TBC1D7: variants seen among roughly 807,000 people sequenced by gnomAD.
TBC1D7 encodes TBC domain family 7.
In TBC1D7, 33 loss-of-function variants were observed where a neutral mutation model predicts 35.3. That is an observed-to-expected ratio of 0.93 (90% CI 0.71 to 1.25). The LOEUF is 1.25. Ranked by LOEUF, TBC1D7 falls within the 50% of genes most tolerant of loss-of-function variation. The probability of loss-of-function intolerance (pLI) is 0.00; values close to 1 mark genes in which losing one functional copy is unlikely to be tolerated. For synonymous variants in TBC1D7, 135 were observed against 129.5 expected, an observed-to-expected ratio of 1.04 and a Z score of -0.29; for missense variants, 362 against 365.3, an observed-to-expected ratio of 0.99 and a Z score of 0.07.
At chr6:13,311,190 A>G (rs1783185690) in intron 5 of TBC1D7, among the ~76,000 whole-genome samples, 2 of 152,230 alleles carry the variant, frequency 1.3e-5, no homozygotes, top group Admixed American at 6.5e-5. Flanking sequence ...TGTCAATAGC[A>G]ATAAAACAAA....
At chr6:13,321,448 T>C (rs1456768205) in intron 3 of TBC1D7, among the ~76,000 whole-genome samples, 2 of 152,212 alleles carry the variant, frequency 1.3e-5, no homozygotes, top group African/African-American at 4.8e-5. Flanking sequence ...CTTTAGCTCC[T>C]AGAGGTCTCA....
chr6:13,326,709 T>C (rs1784428689), intron 2 of TBC1D7, 78 bp downstream of exon 2: 1 of 837,442 alleles, frequency 1.2e-6, no homozygotes, highest in African/African-American at 1.7e-5. Context: ...TGCTTCTGGA[T>C]GTCTTTTAAG....
Position 13,326,462 on chromosome 6 carries a change from C to CA in TBC1D7, c.112+324dup, listed in dbSNP as rs201457396. ...TGGGCAACAGAGTCAGACTTGGTCT[C>CA]AAAAAAAAAAAAAAAGAAAATCATG... On this transcript the variant is annotated intron_variant, in intron 2 of 7. Coordinates refer to ENST00000379300, the MANE Select transcript of TBC1D7 (RefSeq NM_016495.6). 0.09 allele frequency among the ~76,000 whole-genome samples: 8,196 copies of CA among 91,112 alleles called. 433 individuals carry two copies. The highest frequency in any genetic ancestry group is 0.27 in the East Asian group (971 of 3,650). 59.8% of individuals were successfully genotyped at this position (91,112 alleles called of 152,430 possible).
intron 2 of TBC1D7, 26 bp downstream of exon 2, chr6:13,326,761 T>G (rs1784431656): frequency 2.4e-4 from 349 of 1,424,740 alleles, no homozygotes; most frequent in Middle Eastern, 5.3e-4. Flanking sequence ...TGAGAACCAA[T>G]GAGATTAATT....
At chr6:13,308,022 T>C (rs1202474394) in intron 5 of TBC1D7, among the ~76,000 whole-genome samples, 1 of 152,194 alleles carries the variant, frequency 6.6e-6, no homozygotes, top group Non-Finnish European at 1.5e-5. Context: ...TTGGTCACCC[T>C]AATACTAACT....
rs1782907924 is a variant in TBC1D7, at chr6:13,307,734, A to T, written c.531T>A (p.Phe177Leu). 6.2e-7 allele frequency: 1 copy of T among 1,613,810 alleles called. No homozygotes were observed. The highest frequency in any genetic ancestry group is 8.5e-7 in the Non-Finnish European group (1 of 1,179,780). The change falls in exon 6 of 8, where the codon TTT becomes TTA. Residue 177 changes from phenylalanine (F) to leucine (L), a missense_variant. Coordinates refer to ENST00000379300, the MANE Select transcript of TBC1D7 (RefSeq NM_016495.6). ...CATCTTCCAGATTCAAGTATTGTTCAAACGCTTTTGGCTAAAGATTAAGCA... is the reference window on the plus strand; with the variant it reads ...CATCTTCCAGATTCAAGTATTGTTCTAACGCTTTTGGCTAAAGATTAAGCA... ...RDSLPQLPKA[F>L]EQYLNLEDGR...
rs3800485 is a variant in TBC1D7 at position 13,306,122 on chromosome 6, C to T, written c.795+276G>A. 0.12 allele frequency: 31,495 copies of T among 252,274 alleles called. 2,271 individuals are homozygous for T. The highest frequency in any genetic ancestry group is 0.33 in the East Asian group (2,401 of 7,276). The allele number at this position is 252,274 out of a possible 1,614,324, so 15.6% of individuals were successfully genotyped here. On this transcript the variant is annotated intron_variant, in intron 7 of 7. Transcript: ENST00000379300. ...AAGTGTTTCTTATAATGTAAAAATA[C>T]ACTGTATGATTTCTCTGAAATAATC...
chr6:13,306,280 G>A, intron 7 of TBC1D7, 118 bp downstream of exon 7: 2 of 778,798 alleles, frequency 2.6e-6, no homozygotes, highest in Non-Finnish European at 2.0e-6. Flanking sequence ...ACATTCTAAG[G>A]TATTATTTCT....
chr6:13,307,130 A>G (rs954563399), intron 6 of TBC1D7: 4 of 165,714 alleles, frequency 2.4e-5, no homozygotes, highest in African/African-American at 7.2e-5. Flanking sequence ...GTTCAGTGCC[A>G]TAACTTATTT....
chr6:13,327,000 A>G (rs529311849), intron 1 of TBC1D7, 94 bp from the exon 2 acceptor site: 5 of 693,310 alleles, frequency 7.2e-6, no homozygotes, highest in East Asian at 2.7e-5. Context: ...ATAATTTTCA[A>G]TGATGTTCTC....
At chr6:13,327,206 T>C (rs974283776) in intron 1 of TBC1D7, among the ~76,000 whole-genome samples, 10 of 152,106 alleles carry the variant, frequency 6.6e-5, no homozygotes, top group Non-Finnish European at 1.5e-4. Context: ...CCTAGCACAA[T>C]AGAACATTCT....
chr6:13,316,756 A>T lies in TBC1D7; in HGVS notation c.382-48T>A, dbSNP rs770472742. 1.9e-6 allele frequency: 3 copies of T among 1,592,496 alleles called. No homozygotes were observed. In the East Asian group the frequency reaches 6.7e-5, roughly 36 times the overall value. ...CAAGAGGAAGGCAGTGAAAGAGAGG[A>T]ATACATATTTCTTTAATAAAAAATG... On this transcript the variant is annotated intron_variant, in intron 4 of 7. Transcript: ENST00000379300.
intron 5 of TBC1D7, among the ~76,000 whole-genome samples, chr6:13,313,708 C>G (rs938266850): frequency 6.6e-6 from 1 of 152,126 alleles, no homozygotes; most frequent in South Asian, 2.1e-4. Context: ...CAACCCTTAA[C>G]TACACTTCAG....
intron 4 of TBC1D7, chr6:13,319,654 T>C (rs1022615596): frequency 5.3e-5 from 8 of 152,174 alleles, no homozygotes; most frequent in African/African-American, 1.9e-4. Context: ...ATCATTACAT[T>C]ACGGTTGTAT....
At chr6:13,313,867 T>C (rs897652281) in intron 5 of TBC1D7, among the ~76,000 whole-genome samples, 8 of 152,120 alleles carry the variant, frequency 5.3e-5, no homozygotes, top group Non-Finnish European at 8.8e-5. Flanking sequence ...AACTAGTGAT[T>C]TGTCTAAACT....
intron 5 of TBC1D7, among the ~76,000 whole-genome samples, chr6:13,313,687 T>G (rs752659379): frequency 2.0e-5 from 3 of 152,166 alleles, no homozygotes; most frequent in African/African-American, 7.2e-5. Flanking sequence ...TGGTTCTAAA[T>G]GAGTGCCTTT....
In TBC1D7 at chr6:13,320,951, T is replaced by G. The variant is rs1395835091; in HGVS notation, c.338A>C (p.Gln113Pro). The change falls in exon 4 of 8, where the codon CAG becomes CCG. Residue 113 changes from glutamine to proline, a missense_variant. Coordinates refer to ENST00000379300, the MANE Select transcript of TBC1D7 (RefSeq NM_016495.6). ...PQAEVYLRMY[Q>P]LESGKLPRSP... ...TCGAGGTAACTTCCCAGACTCCAGCTGATACATGCGGAGATAGACTTCAGC... is the reference window on the plus strand; with the variant it reads ...TCGAGGTAACTTCCCAGACTCCAGCGGATACATGCGGAGATAGACTTCAGC... 6.2e-7 allele frequency: 1 copy of G among 1,614,048 alleles called. No homozygotes were observed. The highest frequency in any genetic ancestry group is 8.5e-7 in the Non-Finnish European group (1 of 1,180,050).
intron 6 of TBC1D7, chr6:13,306,856 T>C (rs1782840633): frequency 6.0e-6 from 1 of 167,834 alleles, no homozygotes; most frequent in Non-Finnish European, 1.3e-5. Context: ...GTTTATATTC[T>C]GCTAATATGC....
chr6:13,318,885 T>C (rs1783825895), intron 4 of TBC1D7: 1 of 152,236 alleles, frequency 6.6e-6, no homozygotes, highest in South Asian at 2.1e-4. Flanking sequence ...GAATCATTAG[T>C]GGATGGCTAC....
Sources: allele counts gnomAD v4.1 joint callset (sites outside exome capture counted in the v4.1 genomes callset), GRCh38; gene constraint gnomAD v4.1.1; transcripts MANE v1.5; gene names NCBI Gene and HGNC (gene_info 2026-07-23, HGNC 2026-07-21).